The following BCL11A variants were observed in gnomAD, a reference collection of about 807,000 sequenced individuals.
BCL11A encodes the protein BCL11 transcription factor A, also known as B cell CLL/lymphoma 11A.
A neutral mutation model predicts 55.9 loss-of-function variants in BCL11A; 2 were observed. The observed-to-expected ratio is 0.04, with a 90% CI of 0.01 to 0.11. BCL11A has a LOEUF of 0.11. BCL11A is among the 10% of genes least tolerant of loss of function. The pLI is 1.00. For missense variants in BCL11A, 817 were observed against 1,137.1 expected (o/e 0.72, Z 4.05); for synonymous variants, 465 against 473.4 (o/e 0.98, Z 0.23).
rs1331760558 is a variant in BCL11A at position 60,462,078 on chromosome 2, G to A, written c.834C>T (p.Arg278=). ...PPPRHHLDPH[R]IERLGAEEMA... Reference sequence around the variant, plus strand: ...TCTCTTCCGCCCCCAGGCGCTCTATGCGGTGGGGGTCCAAGTGATGTCTCG... The same window carrying A: ...TCTCTTCCGCCCCCAGGCGCTCTATACGGTGGGGGTCCAAGTGATGTCTCG... Residue 278 remains arginine, a synonymous_variant, in exon 4 of 4, where the codon CGC becomes CGT. Coordinates refer to ENST00000642384, the MANE Select transcript of BCL11A (RefSeq NM_022893.4). The A allele has an allele frequency of 6.3e-7, 1 of 1,576,574 alleles. No homozygotes were observed. Among genetic ancestry groups the A allele is most frequent in the East Asian group, 2.2e-5 (1 of 44,678 alleles).
chr2:60,513,620 C>T (rs941510767), intron 2 of BCL11A, among the ~76,000 whole-genome samples: 2 of 152,204 alleles, frequency 1.3e-5, no homozygotes, highest in African/African-American at 4.8e-5. Context: ...GGCCTGCTGC[C>T]TAATCCATCT....
intron 2 of BCL11A, chr2:60,534,508 G>A (rs986966439): frequency 1.3e-5 from 2 of 152,188 alleles, no homozygotes; most frequent in East Asian, 1.9e-4. Context: ...TGCAATGTTC[G>A]TGGGGAACAG....
At chr2:60,451,561 T>A (rs1235090242) in exon 5 of BCL11A, 2 of 231,664 alleles carry the variant, frequency 8.6e-6, no homozygotes, top group Non-Finnish European at 1.7e-5. Context: ...CTCCTATAAT[T>A]TCCCCCCTCT....
intron 2 of BCL11A, among the ~76,000 whole-genome samples, chr2:60,484,845 G>C (rs1678176094): frequency 6.6e-6 from 1 of 151,826 alleles, no homozygotes; most frequent in Non-Finnish European, 1.5e-5. Flanking sequence ...TATGTGCTGG[G>C]GGTCTGGGGA....
chr2:60,543,689 A>G (rs923949425), intron 2 of BCL11A: 2 of 152,250 alleles, frequency 1.3e-5, no homozygotes, highest in Non-Finnish European at 2.9e-5. Context: ...ATTTATGTTC[A>G]GCCAGTTCCA....
At position 60,545,845 on chromosome 2, in the gene BCL11A, G is replaced by A. The variant is rs1448133529; in HGVS notation, c.385+126C>T. The A allele has an allele frequency of 8.1e-6, 6 of 744,816 alleles. No homozygotes were observed. In the Admixed American group the frequency reaches 1.4e-4, roughly 18 times the overall value. The allele number at this position is 744,816 out of a possible 1,614,324, so 46.1% of individuals were successfully genotyped here. ...AGAAATGATTATTTTAACATTACAGGGCTGTCATGGACAGTCACATAGAGT... is the reference window on the plus strand; with the variant it reads ...AGAAATGATTATTTTAACATTACAGAGCTGTCATGGACAGTCACATAGAGT... On this transcript the variant is annotated intron_variant, in intron 2 of 3. Coordinates refer to ENST00000642384, the MANE Select transcript of BCL11A (RefSeq NM_022893.4).
intron 2 of BCL11A, among the ~76,000 whole-genome samples, chr2:60,469,889 T>C (rs1386923306): frequency 6.6e-6 from 1 of 152,182 alleles, no homozygotes; most frequent in Admixed American, 6.5e-5. Context: ...TTCATGATGA[T>C]TGGGGAGGGC....
chr2:60,459,865 T>C lies in BCL11A; in HGVS notation c.*539A>G. ...ATAGAGGGTTAATCCAAAGACTGTTTTTCCTCCTCACGTTATAAAATAAAA... is the reference window on the plus strand; with the variant it reads ...ATAGAGGGTTAATCCAAAGACTGTTCTTCCTCCTCACGTTATAAAATAAAA... On this transcript the variant is annotated 3_prime_UTR_variant, in exon 4 of 4. Coordinates refer to ENST00000642384, the MANE Select transcript of BCL11A (RefSeq NM_022893.4). The C allele has an allele frequency of 9.5e-7, 1 of 1,047,726 alleles. No homozygotes were observed. Among genetic ancestry groups the C allele is most frequent in the African/African-American group, 1.7e-5 (1 of 60,244 alleles). The allele number at this position is 1,047,726 out of a possible 1,614,324, so 64.9% of individuals were successfully genotyped here.
chr2:60,474,720 A>G (rs1466907848), intron 2 of BCL11A, among the ~76,000 whole-genome samples: 2 of 152,210 alleles, frequency 1.3e-5, no homozygotes, highest in Admixed American at 6.5e-5. Context: ...CCATTCATTC[A>G]TTCTCTCATG....
chr2:60,539,111 C>G (rs910274037), intron 2 of BCL11A, among the ~76,000 whole-genome samples: 2 of 152,198 alleles, frequency 1.3e-5, no homozygotes, highest in Non-Finnish European at 2.9e-5. Context: ...CCATTGCTGT[C>G]TTTCACACTG....
chr2:60,551,077 C>T (rs1397413731), intron 1 of BCL11A, among the ~76,000 whole-genome samples: 1 of 152,124 alleles, frequency 6.6e-6, no homozygotes, highest in Non-Finnish European at 1.5e-5. Context: ...TGTGCGCACC[C>T]CCCACCACCA....
downstream of BCL11A, among the ~76,000 whole-genome samples, chr2:60,454,192 T>C (rs1484223556): frequency 6.6e-6 from 1 of 152,092 alleles, no homozygotes; most frequent in Non-Finnish European, 1.5e-5. Flanking sequence ...TGTCCACAGT[T>C]CATAGCTATA....
chr2:60,525,049 C>G (rs564240057), intron 2 of BCL11A: 2 of 152,300 alleles, frequency 1.3e-5, no homozygotes, highest in South Asian at 4.1e-4. Flanking sequence ...CATGTTGCAT[C>G]GGATGCCTTT....
chr2:60,540,164 T>A (rs1175967319), intron 2 of BCL11A, among the ~76,000 whole-genome samples: 1 of 152,142 alleles, frequency 6.6e-6, no homozygotes, highest in Non-Finnish European at 1.5e-5. Flanking sequence ...ATAACAACAC[T>A]GCTGACATAG....
At chr2:60,536,238 T>G (rs931001106) in intron 2 of BCL11A, 2 of 152,002 alleles carry the variant, frequency 1.3e-5, no homozygotes, top group African/African-American at 4.8e-5. Flanking sequence ...CTTCTCCCCC[T>G]CTCTCCCCCA....
At position 60,461,058 on chromosome 2, in the gene BCL11A, G is replaced by T. The variant is rs943250065; in HGVS notation, c.1854C>A (p.Ser618=). 3.1e-6 allele frequency: 5 copies of T among 1,605,860 alleles called. No individual in the cohort carries two copies. The highest frequency in any genetic ancestry group is 3.4e-5 in the Admixed American group (2 of 59,502). The part of the protein sequence containing the change: ...SPGESASGGL[S]KKLLLGSPSS... ...TGGGGCTGCCCAGCAGCAGCTTTTT[G>T]GACAGGCCCCCCGAGGCCGACTCGC... is the stretch of plus-strand genomic sequence containing the variant. Residue 618 remains serine, a synonymous_variant, in exon 4 of 4, where the codon TCC becomes TCA. Transcript: ENST00000642384.
At chr2:60,501,654 G>C (rs1679288796) in intron 2 of BCL11A, among the ~76,000 whole-genome samples, 1 of 151,694 alleles carries the variant, frequency 6.6e-6, no homozygotes, top group Admixed American at 6.6e-5. Context: ...TTACAGGCAT[G>C]TGCGACCATG....
At chr2:60,532,020 C>T (rs1388621414) in intron 2 of BCL11A, among the ~76,000 whole-genome samples, 2 of 152,180 alleles carry the variant, frequency 1.3e-5, no homozygotes, top group Non-Finnish European at 2.9e-5. Flanking sequence ...CGGGCCCCTG[C>T]TAACCTGTCT....
chr2:60,511,089 AC>A (rs1679959083), intron 2 of BCL11A, among the ~76,000 whole-genome samples: 1 of 152,080 alleles, frequency 6.6e-6, no homozygotes, highest in Non-Finnish European at 1.5e-5. Flanking sequence ...AGATGCCCAT[AC>A]TCATATCCAA....
Sources: allele counts gnomAD v4.1 joint callset (sites outside exome capture counted in the v4.1 genomes callset), GRCh38; gene constraint gnomAD v4.1.1; transcripts MANE v1.5; gene names NCBI Gene and HGNC (gene_info 2026-07-23, HGNC 2026-07-21).